USP30: variants seen among roughly 807,000 people sequenced by gnomAD.
USP30 encodes the protein ubiquitin specific peptidase 30, also known as ubiquitin carboxyl-terminal hydrolase 30.
In USP30, 41 loss-of-function variants were observed where a neutral mutation model predicts 68.2. The observed-to-expected ratio is 0.60, with a 90% CI of 0.47 to 0.78. USP30 has a LOEUF of 0.78. USP30 is among the 30% of genes least tolerant of loss of function. USP30 has a pLI of 0.00. For missense variants in USP30, 522 were observed against 649.4 expected (o/e 0.80, Z 2.13); for synonymous variants, 229 against 253.7 (o/e 0.90, Z 0.93).
At chr12:109,071,374 G>T (rs1396448598) in intron 4 of USP30, among the ~76,000 whole-genome samples, 1 of 152,228 alleles carries the variant, frequency 6.6e-6, no homozygotes, top group East Asian at 1.9e-4. Flanking sequence ...ATAGACTGCT[G>T]GCGTGAAGGC....
intron 3 of USP30, among the ~76,000 whole-genome samples, chr12:109,047,232 C>T (rs960330765): frequency 5.9e-5 from 9 of 151,904 alleles, no homozygotes; most frequent in Non-Finnish European, 8.8e-5. Flanking sequence ...ACCTAAGAGA[C>T]GATGTTTACC....
intron 4 of USP30, among the ~76,000 whole-genome samples, chr12:109,069,293 C>G (rs1037161903): frequency 3.9e-4 from 60 of 152,290 alleles, no homozygotes; most frequent in Admixed American, 1.2e-3. Context: ...AAGCCTGGGC[C>G]CAGATGCCTG....
intron 3 of USP30, among the ~76,000 whole-genome samples, chr12:109,032,823 A>G (rs1024340977): frequency 1.3e-5 from 2 of 152,174 alleles, no homozygotes; most frequent in Admixed American, 6.5e-5. Context: ...CACATTATCC[A>G]TCTGTCTAGG....
At chr12:109,028,273 G>C (rs536888128) in intron 3 of USP30, among the ~76,000 whole-genome samples, 1 of 152,218 alleles carries the variant, frequency 6.6e-6, no homozygotes, top group Admixed American at 6.5e-5. Context: ...TTGTATTGCT[G>C]TAAAGGAATA....
At chr12:109,056,897 A>T in intron 2 of USP30, 106 bp downstream of exon 2, 1 of 660,564 alleles carries the variant, frequency 1.5e-6, no homozygotes, top group Non-Finnish European at 2.4e-6. Context: ...TGTTCTCTGT[A>T]TCTTTAAAAT....
At chr12:109,023,126 A>G (rs2040419137) in exon 1 of USP30, 1 of 152,246 alleles carries the variant, frequency 6.6e-6, no homozygotes. Flanking sequence ...GGAGCTGGAC[A>G]ACCTGGTACC....
chr12:109,036,108 CAG>C (rs1038520970), intron 3 of USP30, among the ~76,000 whole-genome samples: 1 of 152,144 alleles, frequency 6.6e-6, no homozygotes, highest in Non-Finnish European at 1.5e-5. Flanking sequence ...TGAAGTGAGT[CAG>C]GGTTTCACCA....
chr12:109,053,428 C>G (rs1187489630), intron 1 of USP30, among the ~76,000 whole-genome samples: 1 of 152,078 alleles, frequency 6.6e-6, no homozygotes, highest in Non-Finnish European at 1.5e-5. Context: ...TGTTAGGACT[C>G]CTCGATTGCC....
chr12:109,055,383 T>TATATATATATATATATAC (rs1566084787), intron 1 of USP30, among the ~76,000 whole-genome samples: 5 of 46,270 alleles, frequency 1.1e-4, no homozygotes, highest in East Asian at 3.0e-3. Context: ...TATATACATA[T>TATATATATATATATATAC]ATATATATAT....
chr12:109,055,400 A>ATATATTTT (rs1298811530), intron 1 of USP30, among the ~76,000 whole-genome samples: 3 of 24,468 alleles, frequency 1.2e-4, no homozygotes, highest in African/African-American at 3.3e-4. Flanking sequence ...ATATATATAT[A>ATATATTTT]TTTTTTTTTT....
chr12:109,074,332 C>T (rs1373006129), intron 7 of USP30, among the ~76,000 whole-genome samples: 1 of 152,164 alleles, frequency 6.6e-6, no homozygotes, highest in Non-Finnish European at 1.5e-5. Context: ...TTGCTGTGAA[C>T]ATTTACATAC....
chr12:109,052,491 G>T (rs12426673), upstream of USP30: 266,976 of 469,762 alleles, frequency 0.57, 79,467 homozygotes, highest in East Asian at 0.79. Flanking sequence ...GACGTGGTCC[G>T]TCAGCTATTG....
At chr12:109,055,723 ATG>A (rs2040851428) in intron 1 of USP30, among the ~76,000 whole-genome samples, 1 of 150,818 alleles carries the variant, frequency 6.6e-6, no homozygotes, top group South Asian at 2.1e-4. Context: ...AGAACCTACT[ATG>A]TGCTAAGTAT....
intron 1 of USP30, among the ~76,000 whole-genome samples, chr12:109,055,381 T>TATATATATATATATATATATAC (rs2040818633): frequency 6.5e-5 from 3 of 46,232 alleles, no homozygotes; most frequent in East Asian, 5.2e-3. Flanking sequence ...TATATATACA[T>TATATATATATATATATATATAC]ATATATATAT....
chr12:109,072,338 T>C lies in USP30; in HGVS notation c.613T>C (p.Cys205Arg). ...QSEITPKQIT[C>R]RTRGSPHPTS... ...AGAAATAACTCCCAAACAAATTACC[T>C]GCCGCACAAGAGGTAGCTGTTTTCC... Residue 205 changes from cysteine to arginine, a missense_variant, in exon 6 of 13, where the codon TGC becomes CGC. By Grantham distance (180) the Cys-to-Arg change is radical. Coordinates refer to ENST00000257548, the MANE Select transcript of USP30 (RefSeq NM_032663.5). 1 of 1,613,480 alleles carries C rather than the reference T, an allele frequency of 6.2e-7. No individual in the cohort carries two copies. Among genetic ancestry groups the C allele is most frequent in the East Asian group, 2.2e-5 (1 of 44,866 alleles).
chr12:109,026,000 G>A (rs1417954452), intron 2 of USP30, among the ~76,000 whole-genome samples: 8 of 151,954 alleles, frequency 5.3e-5, no homozygotes, highest in Non-Finnish European at 8.8e-5. Context: ...CGTTTTTTAA[G>A]TTGTAAATTT....
chr12:109,062,575 G>A (rs1049724924), intron 3 of USP30, among the ~76,000 whole-genome samples: 29 of 152,034 alleles, frequency 1.9e-4, no homozygotes, highest in Middle Eastern at 3.4e-3. Flanking sequence ...TGATCCGCCC[G>A]CCTTGGCCTC....
Position 109,087,371 on chromosome 12 carries a change from G to A in USP30, c.*1440G>A, listed in dbSNP as rs1375219378. On this transcript the variant is annotated 3_prime_UTR_variant, in exon 13 of 13. Coordinates refer to ENST00000257548, the MANE Select transcript of USP30 (RefSeq NM_032663.5). ...CAGTGCCTTGGCAGCAGCTCACAGT[G>A]CAGGAAGCCCAGGTGATCACTCTTC... 1 of 152,162 alleles carries A rather than the reference G, an allele frequency of 6.6e-6. No individual in the cohort carries two copies. Among genetic ancestry groups the A allele is most frequent in the Non-Finnish European group, 1.5e-5 (1 of 68,064 alleles). 9.4% of individuals were successfully genotyped at this position (152,162 alleles called of 1,614,324 possible).
Position 109,084,933 on chromosome 12 carries a change from C to T in USP30, c.1169-20C>T, listed in dbSNP as rs762805974. ...GAGCCACTGCTAATTTTCATTGACT[C>T]GGGCCTTTTTCTCTTGCAGTTCTGA... On this transcript the variant is annotated intron_variant, in intron 11 of 12. Transcript: ENST00000257548. The T allele has an allele frequency of 3.2e-5, 49 of 1,548,470 alleles. No individual in the cohort carries two copies. The South Asian group carries it at 4.2e-4, about 13-fold the overall frequency.
Sources: gnomAD v4.1 joint callset for allele counts (sites outside exome capture counted in the v4.1 genomes callset) on GRCh38, gnomAD v4.1.1 for gene constraint, MANE v1.5 for transcripts, NCBI Gene and HGNC (gene_info 2026-07-23, HGNC 2026-07-21) for gene names.